ADK: variants seen among roughly 807,000 people sequenced by gnomAD.
The protein encoded by ADK is adenosine kinase.
In ADK, 24 loss-of-function variants were observed where a neutral mutation model predicts 44.7. That is an observed-to-expected ratio of 0.54 (90% CI 0.39 to 0.76). The LOEUF (loss-of-function observed/expected upper bound fraction) is 0.76, where lower values mean the gene tolerates loss of function less well. Ranked by LOEUF, ADK falls within the 30% of genes least tolerant of loss-of-function variation. ADK has a pLI of 0.00. For missense variants in ADK, 321 were observed against 425.1 expected (o/e 0.76, Z 2.15); for synonymous variants, 128 against 142.6 (o/e 0.90, Z 0.73).
intron 4 of ADK, among the ~76,000 whole-genome samples, chr10:74,349,100 G>A (rs1182804064): frequency 1.3e-5 from 2 of 152,024 alleles, no homozygotes; most frequent in Non-Finnish European, 2.9e-5. Context: ...GCAACCCCAA[G>A]ACACCTAATC....
chr10:74,153,595 C>T (rs775331303), intron 1 of ADK, among the ~76,000 whole-genome samples: 1 of 152,194 alleles, frequency 6.6e-6, no homozygotes, highest in Non-Finnish European at 1.5e-5. Flanking sequence ...GAGTGCTAGA[C>T]ATTATACTAT....
intron 4 of ADK, among the ~76,000 whole-genome samples, chr10:74,371,059 A>G (rs774719348): frequency 7.9e-5 from 12 of 152,356 alleles, no homozygotes; most frequent in Non-Finnish European, 1.8e-4. Flanking sequence ...ATGATGAAAG[A>G]TCAATTTTCA....
intron 4 of ADK, among the ~76,000 whole-genome samples, chr10:74,377,661 A>G (rs543936104): frequency 3.7e-4 from 57 of 152,286 alleles, no homozygotes; most frequent in South Asian, 1.0e-3. Flanking sequence ...AAACCATGAA[A>G]AGGGAGGGGA....
At chr10:74,506,032 A>T (rs1353433230) in intron 6 of ADK, 3 of 152,220 alleles carry the variant, frequency 2.0e-5, no homozygotes, top group African/African-American at 7.2e-5. Context: ...ATGTCAAGCC[A>T]TCCTTTGCTG....
At chr10:74,313,557 G>T (rs1840520426) in intron 3 of ADK, among the ~76,000 whole-genome samples, 1 of 151,634 alleles carries the variant, frequency 6.6e-6, no homozygotes, top group Non-Finnish European at 1.5e-5. Flanking sequence ...TCCTTTTAAG[G>T]TAATTATTAT....
chr10:74,685,515 G>T (rs186637099), intron 10 of ADK, among the ~76,000 whole-genome samples: 1 of 152,302 alleles, frequency 6.6e-6, no homozygotes, highest in Non-Finnish European at 1.5e-5. Context: ...CAAAGTAGCA[G>T]GTTGTAAAAT....
Position 74,657,717 on chromosome 10 carries a change from G to C in ADK, c.878-12466G>C, listed in dbSNP as rs1417823126. Among the ~76,000 whole-genome samples the C allele has an allele frequency of 2.0e-5, 3 of 152,134 alleles. 1 individual carries two copies. Among genetic ancestry groups the C allele is most frequent in the Admixed American group, 1.3e-4 (2 of 15,272 alleles). On this transcript the variant is annotated intron_variant, in intron 9 of 10. Transcript: ENST00000539909. ...TTAATTGAGCACCTACTCTGTACTA[G>C]ATACAGTACTAAGAGCTGGGAATAA...
chr10:74,151,283 C>T lies in ADK; in HGVS notation c.5C>T (p.Ala2Val). Residue 2 changes from alanine to valine, a missense_variant, in exon 1 of 11, where the codon GCA becomes GTA. By Grantham distance (64) the Ala-to-Val change is moderately conservative. Transcript: ENST00000539909. ...AAGTGGGGTGGGAGCGCGAAGATGGCAGCTGCTGAGGAGGAGCCGAAGCCC... is the reference window on the plus strand; with the variant it reads ...AAGTGGGGTGGGAGCGCGAAGATGGTAGCTGCTGAGGAGGAGCCGAAGCCC... M[A>V]AAEEEPKPKK... The T allele has an allele frequency of 6.5e-7, 1 of 1,549,644 alleles. No individual in the cohort carries two copies. Among genetic ancestry groups the T allele is most frequent in the South Asian group, 1.2e-5 (1 of 83,964 alleles).
At chr10:74,662,941 A>C (rs937394318) in intron 9 of ADK, among the ~76,000 whole-genome samples, 1 of 152,060 alleles carries the variant, frequency 6.6e-6, no homozygotes, top group African/African-American at 2.4e-5. Context: ...TTAATATCTC[A>C]AATTAGGCCG....
chr10:74,248,258 C>T (rs1487392627), intron 3 of ADK, among the ~76,000 whole-genome samples: 1 of 152,106 alleles, frequency 6.6e-6, no homozygotes, highest in Non-Finnish European at 1.5e-5. Flanking sequence ...AGTGAGTTCC[C>T]TTTCTTATGA....
chr10:74,206,894 C>T (rs1295901195), intron 2 of ADK, among the ~76,000 whole-genome samples: 1 of 152,096 alleles, frequency 6.6e-6, no homozygotes, highest in Non-Finnish European at 1.5e-5. Flanking sequence ...GTTGGTGGAG[C>T]CTTTGCCTGA....
chr10:74,622,726 G>A (rs1039154129), intron 9 of ADK, among the ~76,000 whole-genome samples: 1 of 152,108 alleles, frequency 6.6e-6, no homozygotes, highest in African/African-American at 2.4e-5. Flanking sequence ...ACCCAGCCTC[G>A]GCCTGGTGCG....
intron 9 of ADK, among the ~76,000 whole-genome samples, chr10:74,660,788 C>G (rs534397592): frequency 1.1e-4 from 16 of 147,524 alleles, no homozygotes; most frequent in Non-Finnish European, 1.8e-4. Flanking sequence ...AATCCCAGCA[C>G]TTTGGGAGGC....
chr10:74,643,193 T>C lies in ADK; in HGVS notation c.878-26990T>C, dbSNP rs542312602. ...GGGACAGAGGGGTCATCTTATCTCA[T>C]TCCCAACTCAAGTCAGAAACCCTCT... is the stretch of plus-strand genomic sequence containing the variant. On this transcript the variant is annotated intron_variant, in intron 9 of 10. Coordinates refer to ENST00000539909, the MANE Select transcript of ADK (RefSeq NM_006721.4). Among the ~76,000 whole-genome samples, 3 of 152,198 alleles carry C rather than the reference T, an allele frequency of 2.0e-5. No individual in the cohort carries two copies. The South Asian group carries it at 6.2e-4, about 32-fold the overall frequency.
Position 74,670,173 on chromosome 10 carries a change from C to T in ADK, c.878-10C>T. On this transcript the variant is annotated splice_polypyrimidine_tract_variant and intron_variant, in intron 9 of 10. Transcript: ENST00000539909. ...GAAGTCATTCTGCCTTTCTTTGGCT[C>T]TAATTGCAGAAAGTGAAGTCACTGC... 1 of 1,611,902 alleles carries T rather than the reference C, an allele frequency of 6.2e-7. No homozygotes were observed. The highest frequency in any genetic ancestry group is 8.5e-7 in the Non-Finnish European group (1 of 1,178,166).
chr10:74,180,057 T>C lies in ADK; in HGVS notation c.66-20707T>C, dbSNP rs181534675. Among the ~76,000 whole-genome samples the C allele has an allele frequency of 1.6e-4, 25 of 152,206 alleles. 1 individual carries two copies. The East Asian group carries it at 4.8e-3, about 29-fold the overall frequency. ...TGTTCTTGTTTTATACCACCCTTAATTGTTGCTAAATATAGTAGTATGTGA... is the reference window on the plus strand; with the variant it reads ...TGTTCTTGTTTTATACCACCCTTAACTGTTGCTAAATATAGTAGTATGTGA... On this transcript the variant is annotated intron_variant, in intron 1 of 10. Coordinates refer to ENST00000539909, the MANE Select transcript of ADK (RefSeq NM_006721.4).
intron 7 of ADK, among the ~76,000 whole-genome samples, chr10:74,558,987 A>G (rs915863312): frequency 6.6e-6 from 1 of 152,218 alleles, no homozygotes; most frequent in Non-Finnish European, 1.5e-5. Context: ...TTTGATTTTC[A>G]TGATCCAGAA....
intron 2 of ADK, among the ~76,000 whole-genome samples, chr10:74,214,679 A>C (rs1049910433): frequency 5.3e-5 from 8 of 152,222 alleles, no homozygotes. Flanking sequence ...TTTGAATAAA[A>C]AGTGTTTGTT....
At chr10:74,200,682 ATAGT>A in intron 1 of ADK, 78 bp from the exon 2 acceptor site, 2 of 898,218 alleles carry the variant, frequency 2.2e-6, no homozygotes, top group African/African-American at 1.7e-5. Context: ...TGAAATGAAG[ATAGT>A]TATTTTTATT....
Sources: allele counts gnomAD v4.1 joint callset (sites outside exome capture counted in the v4.1 genomes callset), GRCh38; gene constraint gnomAD v4.1.1; transcripts MANE v1.5; gene names NCBI Gene and HGNC (gene_info 2026-07-23, HGNC 2026-07-21).